TRPC7: variants seen among roughly 807,000 people sequenced by gnomAD.
TRPC7 encodes the protein short transient receptor potential channel 7.
TRPC7 carries 42 observed loss-of-function variants against 90.1 expected under a neutral mutation model. That is an observed-to-expected ratio of 0.47 (90% CI 0.36 to 0.60). TRPC7 has a LOEUF of 0.60. Among genes scored for constraint, TRPC7 ranks in the 20% least tolerant of loss-of-function variants. The pLI, the probability that TRPC7 is intolerant of heterozygous loss-of-function variation, is 0.00. For missense variants in TRPC7, 955 were observed against 1,112.3 expected, an observed-to-expected ratio of 0.86 and a Z score of 2.01; for synonymous variants, 451 against 436.3, an observed-to-expected ratio of 1.03 and a Z score of -0.42.
intron 2 of TRPC7, among the ~76,000 whole-genome samples, chr5:136,329,023 G>C (rs1759422111): frequency 6.6e-6 from 1 of 152,228 alleles, no homozygotes; most frequent in African/African-American, 2.4e-5. Context: ...TCCTCAGCCA[G>C]GCAGTGCTGA....
chr5:136,346,996 T>G (rs1580981580), intron 2 of TRPC7, among the ~76,000 whole-genome samples: 1 of 152,068 alleles, frequency 6.6e-6, no homozygotes, highest in African/African-American at 2.4e-5. Context: ...AGAATTAACA[T>G]AGAAACACAC....
chr5:136,264,567 T>C (rs1177974078), intron 5 of TRPC7, among the ~76,000 whole-genome samples: 1 of 152,058 alleles, frequency 6.6e-6, no homozygotes, highest in East Asian at 1.9e-4. Flanking sequence ...AAATGAGCCT[T>C]TGGTCACAGG....
At position 136,274,706 on chromosome 5, in the gene TRPC7, G is replaced by A. The variant is rs766965185; in HGVS notation, c.1095C>T (p.Leu365=). The A allele has an allele frequency of 5.6e-6, 9 of 1,613,460 alleles. No homozygotes were observed. The highest frequency in any genetic ancestry group is 1.6e-4 in the Middle Eastern group (1 of 6,082). Residue 365 remains leucine, a synonymous_variant, in exon 4 of 12, where the codon CTC becomes CTT. Coordinates refer to ENST00000513104, the MANE Select transcript of TRPC7 (RefSeq NM_020389.3). ...ACGGAGCAATCCAATAGGCTATGGC[G>A]AGAAAAGGGAGGCCTATGGAGACTC... is the stretch of plus-strand genomic sequence containing the variant. The part of the protein sequence containing the change: ...VFGVSIGLPF[L]AIAYWIAPCS...
At chr5:136,316,043 C>T (rs1044595302) in intron 2 of TRPC7, 15 of 414,594 alleles carry the variant, frequency 3.6e-5, no homozygotes, top group Admixed American at 1.6e-4. Context: ...ACCTTAGCTG[C>T]GTGCTAAAGT....
chr5:136,238,462 C>T (rs2149800147), intron 7 of TRPC7, among the ~76,000 whole-genome samples: 1 of 152,284 alleles, frequency 6.6e-6, no homozygotes, highest in South Asian at 2.1e-4. Context: ...GGCACTTGGC[C>T]TTACCCAGCT....
At chr5:136,313,008 G>C (rs1376959667) in intron 3 of TRPC7, among the ~76,000 whole-genome samples, 2 of 138,572 alleles carry the variant, frequency 1.4e-5, no homozygotes, top group Non-Finnish European at 3.0e-5. Flanking sequence ...ATAGAGACAG[G>C]GTCTTGCTAT....
At chr5:136,348,134 G>A (rs982173457) in intron 2 of TRPC7, among the ~76,000 whole-genome samples, 21 of 152,102 alleles carry the variant, frequency 1.4e-4, no homozygotes, top group Non-Finnish European at 2.6e-4. Flanking sequence ...TTTCCAAACT[G>A]CATATATGAG....
chr5:136,245,743 C>A (rs1313600460), intron 7 of TRPC7, among the ~76,000 whole-genome samples: 5 of 152,152 alleles, frequency 3.3e-5, no homozygotes, highest in Non-Finnish European at 4.4e-5. Flanking sequence ...CTGAGTGGGT[C>A]TGGGGCAGGA....
Position 136,213,446 on chromosome 5 carries a change from T to C in TRPC7, c.2578A>G (p.Lys860Glu), listed in dbSNP as rs751249702. Residue 860 changes from lysine (K) to glutamate (E), a missense_variant, in exon 12 of 12, where the codon AAA becomes GAA. This residue lies in a region of TRPC7 where 296 missense variants were observed against 422.7 expected (regional missense o/e 0.70). Transcript: ENST00000513104. ...NKDHLRVNKGKDI is the reference protein window; with the variant it reads ...NKDHLRVNKGEDI ...GCCGATGTGGGCTGCTAAATGTCTT[T>C]GCCCTTGTTCACCCTCAGGTGGTCT... 75 of 1,613,862 alleles carry C rather than the reference T, an allele frequency of 4.6e-5. No homozygotes were observed. The highest frequency in any genetic ancestry group is 6.2e-5 in the Non-Finnish European group (73 of 1,179,894).
At chr5:136,285,370 C>T (rs1306005691) in intron 3 of TRPC7, among the ~76,000 whole-genome samples, 2 of 152,298 alleles carry the variant, frequency 1.3e-5, no homozygotes, top group South Asian at 4.1e-4. Flanking sequence ...CAGCATCAGA[C>T]AGTCTCAAAA....
chr5:136,294,727 G>A (rs1428527068), intron 3 of TRPC7, among the ~76,000 whole-genome samples: 6 of 152,218 alleles, frequency 3.9e-5, no homozygotes, highest in African/African-American at 1.2e-4. Flanking sequence ...GTGGAAGTCG[G>A]CATGGTGATT....
At chr5:136,294,941 A>G (rs1036297642) in intron 3 of TRPC7, among the ~76,000 whole-genome samples, 1 of 152,242 alleles carries the variant, frequency 6.6e-6, no homozygotes, top group Non-Finnish European at 1.5e-5. Flanking sequence ...CATATACACC[A>G]TTGAATACTA....
intron 5 of TRPC7, among the ~76,000 whole-genome samples, chr5:136,255,185 A>G (rs184722159): frequency 6.6e-4 from 100 of 152,390 alleles, no homozygotes; most frequent in African/African-American, 2.3e-3. Flanking sequence ...ACAAAGCAGC[A>G]GCAAGGCTTG....
Position 136,357,013 on chromosome 5 carries a change from G to A in TRPC7, c.375C>T (p.Ile125=), listed in dbSNP as rs748280041. 8 of 1,612,866 alleles carry A rather than the reference G, an allele frequency of 5.0e-6. No homozygotes were observed. Among genetic ancestry groups the A allele is most frequent in the Non-Finnish European group, 6.8e-6 (8 of 1,179,898 alleles). Residue 125 remains isoleucine, a synonymous_variant, in exon 2 of 12, where the codon ATC becomes ATT. Transcript: ENST00000513104. ...CCTGCGCGAAGGCCGGGTGGTTGAG[G>A]ATGGCCTCCACGATGCGCACATAGC... The part of the protein sequence containing the change: ...SKGYVRIVEA[I]LNHPAFAQGQ...
Position 136,356,646 on chromosome 5 carries a change from C to A in TRPC7, c.742G>T (p.Glu248Ter). ...TCAATGTTGGCTAGTCTGGCTAACTCGTTGCTGAGCTCCAGGGCGGTGAGG... is the reference window on the plus strand; with the variant it reads ...TCAATGTTGGCTAGTCTGGCTAACTAGTTGCTGAGCTCCAGGGCGGTGAGG... The part of the protein sequence containing the change: ...PVLTALELSN[E>*]LARLANIETE... The change falls in exon 2 of 12, where the codon GAG becomes TAG. Residue 248 changes from glutamate (E) to a stop codon, truncating the protein, a stop_gained. Coordinates refer to ENST00000513104, the MANE Select transcript of TRPC7 (RefSeq NM_020389.3). LOFTEE classifies it high-confidence loss of function. The A allele has an allele frequency of 6.4e-7, 1 of 1,559,314 alleles. No homozygotes were observed. Among genetic ancestry groups the A allele is most frequent in the Non-Finnish European group, 8.7e-7 (1 of 1,152,170 alleles).
intron 6 of TRPC7, among the ~76,000 whole-genome samples, chr5:136,249,512 C>T (rs922658087): frequency 6.6e-6 from 1 of 152,158 alleles, no homozygotes; most frequent in East Asian, 1.9e-4. Context: ...TAACTTCTCC[C>T]GTTAAACAGA....
chr5:136,220,737 A>G lies in TRPC7; in HGVS notation c.2344-4462T>C, dbSNP rs114871085. ...TATGATCTTTGTTCTCCTTTGAAGCATGTGATCTTGTGACCTACTTCCTGT... is the reference window on the plus strand; with the variant it reads ...TATGATCTTTGTTCTCCTTTGAAGCGTGTGATCTTGTGACCTACTTCCTGT... On this transcript the variant is annotated intron_variant, in intron 10 of 11. Coordinates refer to ENST00000513104, the MANE Select transcript of TRPC7 (RefSeq NM_020389.3). Among the ~76,000 whole-genome samples, 730 of 152,220 alleles carry G rather than the reference A, an allele frequency of 4.8e-3. 8 individuals are homozygous for G. Among genetic ancestry groups the G allele is most frequent in the African/African-American group, 0.017 (690 of 41,530 alleles).
intron 7 of TRPC7, among the ~76,000 whole-genome samples, chr5:136,243,299 C>A (rs1441532302): frequency 6.6e-6 from 1 of 151,172 alleles, no homozygotes; most frequent in Non-Finnish European, 1.5e-5. Flanking sequence ...TTAGAGACTC[C>A]AATTGCCCTT....
At chr5:136,349,703 T>C (rs1254432658) in intron 2 of TRPC7, among the ~76,000 whole-genome samples, 1 of 152,126 alleles carries the variant, frequency 6.6e-6, no homozygotes, top group Non-Finnish European at 1.5e-5. Context: ...ACTTGATGAA[T>C]GGCAATGTCA....
Sources: allele counts gnomAD v4.1 joint callset (sites outside exome capture counted in the v4.1 genomes callset), GRCh38; gene constraint gnomAD v4.1.1; regional missense constraint gnomAD v4.1.1; transcripts MANE v1.5; gene names NCBI Gene and HGNC (gene_info 2026-07-23, HGNC 2026-07-21).